The following SHOX variants were observed in gnomAD, a reference collection of about 807,000 sequenced individuals.
SHOX encodes SHOX homeobox.
A neutral mutation model predicts 29.6 loss-of-function variants in SHOX; 12 were observed. That is an observed-to-expected ratio of 0.41 (90% CI 0.26 to 0.66). The LOEUF (loss-of-function observed/expected upper bound fraction) is 0.66, where lower values mean the gene tolerates loss of function less well. Ranked by LOEUF, SHOX falls within the 30% of genes least tolerant of loss-of-function variation. The probability of loss-of-function intolerance (pLI) is 0.35; values close to 1 mark genes in which losing one functional copy is unlikely to be tolerated. For synonymous variants in SHOX, 214 were observed against 200.6 expected (o/e 1.07, Z -0.57); for missense variants, 499 against 437.7 (o/e 1.14, Z -1.25).
In SHOX at chrX:649,342, C is replaced by G. The variant is rs771713093; in HGVS notation, c.*4706C>G. The stretch of plus-strand genomic sequence containing the variant: ...GGTGAGGCACCGCGCCCGGCCTCCT[C>G]TCTCTTTTTCTGAGATGTTTAGGAA... On this transcript the variant is annotated 3_prime_UTR_variant, in exon 5 of 5. Transcript: ENST00000686671. 6.6e-6 allele frequency among the ~76,000 whole-genome samples: 1 copy of G among 152,152 alleles called. No homozygotes were observed.
chrX:626,179 T>C (rs1281607922), upstream of SHOX, among the ~76,000 whole-genome samples: 5 of 123,314 alleles, frequency 4.1e-5, no homozygotes, highest in Non-Finnish European at 5.1e-5. Context: ...TCTCTCTTTC[T>C]CTCTGTCTTC....
chrX:643,852 C>T (rs1230173486), intron 4 of SHOX, among the ~76,000 whole-genome samples: 6 of 143,036 alleles, frequency 4.2e-5, no homozygotes, highest in Non-Finnish European at 9.0e-5. Flanking sequence ...GGCTTGGACA[C>T]CTGGTGTCCC....
In SHOX at chrX:633,970, C is replaced by G. The variant is rs915306450; in HGVS notation, c.278-648C>G. On this transcript the variant is annotated intron_variant, in intron 1 of 4. Transcript: ENST00000686671. ...GGAGATGAGAAAGTGCCATTTTTGG[C>G]ACACTCTGGTGGGGTAGGTGCCCGA... Among the ~76,000 whole-genome samples, 14 of 152,208 alleles carry G rather than the reference C, an allele frequency of 9.2e-5. 1 individual carries two copies. Among genetic ancestry groups the G allele is most frequent in the Non-Finnish European group, 1.9e-4 (13 of 68,028 alleles).
In SHOX at chrX:651,377, C is replaced by T. The variant is rs1018594703; in HGVS notation, c.*6741C>T. On this transcript the variant is annotated 3_prime_UTR_variant, in exon 5 of 5. Coordinates refer to ENST00000686671, the MANE Select transcript of SHOX (RefSeq NM_000451.4). Reference sequence around the variant, plus strand: ...CTATCCCTCTGTTATTGTCGGCAGGCGGTGAGGGGTAGAAAAAAAACAAAC... The same window carrying T: ...CTATCCCTCTGTTATTGTCGGCAGGTGGTGAGGGGTAGAAAAAAAACAAAC... The T allele has an allele frequency of 8.0e-5, 36 of 452,818 alleles. No homozygotes were observed. Among genetic ancestry groups the T allele is most frequent in the African/African-American group, 4.3e-4 (21 of 49,046 alleles). 28.1% of individuals were successfully genotyped at this position (452,818 alleles called of 1,614,324 possible).
At chrX:630,511 T>A (rs2052628010), upstream of SHOX, 1 of 345,560 alleles carries the variant, frequency 2.9e-6, no homozygotes, top group African/African-American at 2.1e-5. Context: ...AGAACGCGGG[T>A]AACCTGTGTG....
rs1255399389 is a variant in SHOX at position 649,938 on chromosome X, G to A, written c.*5302G>A. 6.6e-6 allele frequency: 3 copies of A among 456,048 alleles called. No homozygotes were observed. The highest frequency in any genetic ancestry group is 2.0e-5 in the African/African-American group (1 of 50,196). The allele number at this position is 456,048 out of a possible 1,614,324, so 28.3% of individuals were successfully genotyped here. A position where few individuals can be genotyped will look rare whatever the true frequency, so the allele number is the denominator to read the frequency against. ...CTCTCTTTTCTCTCTCTCTGACTGC[G>A]AAGCACCCACAGGGAGAAGGAATTG... is the stretch of plus-strand genomic sequence containing the variant. On this transcript the variant is annotated 3_prime_UTR_variant, in exon 5 of 5. Transcript: ENST00000686671.
chrX:651,568 A>C lies in SHOX; in HGVS notation c.*6932A>C. 3.7e-6 allele frequency: 1 copy of C among 271,898 alleles called. No individual in the cohort carries two copies. Among genetic ancestry groups the C allele is most frequent in the East Asian group, 8.4e-5 (1 of 11,912 alleles). 16.8% of individuals were successfully genotyped at this position (271,898 alleles called of 1,614,324 possible). A position where few individuals can be genotyped will look rare whatever the true frequency, so the allele number is the denominator to read the frequency against. The stretch of plus-strand genomic sequence containing the variant: ...TCTTGTAAAACTGAGATATAAATAA[A>C]CTTATAAATATTTGTATTCAAGTGT... On this transcript the variant is annotated 3_prime_UTR_variant, in exon 5 of 5. Coordinates refer to ENST00000686671, the MANE Select transcript of SHOX (RefSeq NM_000451.4).
chrX:644,093 G>A (rs1414178117), intron 4 of SHOX, among the ~76,000 whole-genome samples: 1 of 152,116 alleles, frequency 6.6e-6, no homozygotes, highest in Non-Finnish European at 1.5e-5. Flanking sequence ...TCCCTGCGAA[G>A]AGAGCGCATC....
At chrX:653,005 C>T (rs989098054), downstream of SHOX, among the ~76,000 whole-genome samples, 25 of 152,164 alleles carry the variant, frequency 1.6e-4, no homozygotes, top group African/African-American at 5.8e-4. Flanking sequence ...CTTTGGGAGG[C>T]CGAGGCGGGT....
intron 2 of SHOX, among the ~76,000 whole-genome samples, chrX:636,216 A>G (rs1369863379): frequency 2.0e-5 from 3 of 146,800 alleles, no homozygotes; most frequent in Non-Finnish European, 4.5e-5. Context: ...AAATATATAA[A>G]CACATATATA....
chrX:634,734 C>A lies in SHOX; in HGVS notation c.394C>A (p.Leu132Ile). Residue 132 changes from leucine to isoleucine, a missense_variant, in exon 2 of 5, where the codon CTC becomes ATC. Physicochemically the swap from Leu to Ile is conservative, Grantham distance 5. Transcript: ENST00000686671. ...CTTCACGCTGGAGCAGCTGAACGAG[C>A]TCGAGCGACTCTTCGACGAGACCCA... ...TNFTLEQLNE[L>I]ERLFDETHYP... is the part of the protein sequence containing the mutation. The A allele has an allele frequency of 6.2e-7, 1 of 1,613,050 alleles. No individual in the cohort carries two copies. The highest frequency in any genetic ancestry group is 1.7e-5 in the Admixed American group (1 of 59,886).
rs2053005865 is a variant in SHOX at position 648,918 on chromosome X, T to TTC, written c.*4283_*4284insCT. On this transcript the variant is annotated 3_prime_UTR_variant, in exon 5 of 5. Transcript: ENST00000686671. ...TTCCTTCCTTCCTTCCTTTCTTTCTTTTTCTTTCTTTCTCTCTTTCTTTCT... is the reference window on the plus strand; with the variant it reads ...TTCCTTCCTTCCTTCCTTTCTTTCTTTCTTTCTTTCTTTCTCTCTTTCTTTCT... Among the ~76,000 whole-genome samples, 1 of 146,686 alleles carries TTC rather than the reference T, an allele frequency of 6.8e-6. No homozygotes were observed. Among genetic ancestry groups the TTC allele is most frequent in the Admixed American group, 6.9e-5 (1 of 14,568 alleles).
chrX:628,459 A>C (rs774430996), upstream of SHOX, among the ~76,000 whole-genome samples: 558 of 26,088 alleles, frequency 0.021, no homozygotes, highest in African/African-American at 0.03. Context: ...CTCTCTCTCC[A>C]TCTCTCTCTG....
At chrX:636,313 T>A (rs1224657862) in intron 2 of SHOX, among the ~76,000 whole-genome samples, 2 of 78,872 alleles carry the variant, frequency 2.5e-5, no homozygotes, top group African/African-American at 1.1e-4. Flanking sequence ...ATATAAAATA[T>A]GTATAAATAT....
chrX:640,531 G>C (rs1361788995), intron 2 of SHOX, among the ~76,000 whole-genome samples: 1 of 151,920 alleles, frequency 6.6e-6, no homozygotes, highest in Admixed American at 6.6e-5. Context: ...AGCCGAGATA[G>C]TGCCACTGCA....
rs1304298300 is a variant in SHOX at position 644,570 on chromosome X, C to T, written c.813C>T (p.Ser271=). Residue 271 remains serine (S), a synonymous_variant, in exon 5 of 5, where the codon AGC becomes AGT. Transcript: ENST00000686671. ...AVVAAAAKSN[S]KNSSIADLRL... ...TCGCCGCCGCCGCCAAAAGCAACAG[C>T]AAGAATTCCAGCATCGCCGACCTGC... The T allele has an allele frequency of 6.6e-7, 1 of 1,517,176 alleles. No individual in the cohort carries two copies. Among genetic ancestry groups the T allele is most frequent in the East Asian group, 2.6e-5 (1 of 38,844 alleles). The allele number at this position is 1,517,176 out of a possible 1,614,324, so 94.0% of individuals were successfully genotyped here. A position where few individuals can be genotyped will look rare whatever the true frequency, so the allele number is the denominator to read the frequency against.
chrX:639,601 A>T (rs907640293), intron 2 of SHOX, among the ~76,000 whole-genome samples: 1 of 152,240 alleles, frequency 6.6e-6, no homozygotes, highest in African/African-American at 2.4e-5. Flanking sequence ...AGAACGCTGG[A>T]AAGTTCGACA....
chrX:630,952 G>T lies in SHOX; in HGVS notation c.55G>T (p.Gly19Cys). 1 of 1,613,848 alleles carries T rather than the reference G, an allele frequency of 6.2e-7. No individual in the cohort carries two copies. Among genetic ancestry groups the T allele is most frequent in the Non-Finnish European group, 8.5e-7 (1 of 1,179,856 alleles). Residue 19 changes from glycine (G) to cysteine (C), a missense_variant, in exon 1 of 5, where the codon GGT becomes TGT. By Grantham distance (159) the Gly-to-Cys change is radical. Coordinates refer to ENST00000686671, the MANE Select transcript of SHOX (RefSeq NM_000451.4). ...GTCTTTTGACCAGAAAAGCAAGGAC[G>T]GTAACGGCGGAGGCGGAGGCGGCGG... ...SKSFDQKSKD[G>C]NGGGGGGGGK...
At chrX:634,044 C>T (rs894218119) in intron 1 of SHOX, among the ~76,000 whole-genome samples, 11 of 152,232 alleles carry the variant, frequency 7.2e-5, no homozygotes, top group Admixed American at 1.3e-4. Context: ...CGCGGTTCAG[C>T]CCCCAGGCGC....
Sources: allele counts gnomAD v4.1 joint callset (sites outside exome capture counted in the v4.1 genomes callset), GRCh38; gene constraint gnomAD v4.1.1; transcripts MANE v1.5; gene names NCBI Gene and HGNC (gene_info 2026-07-23, HGNC 2026-07-21).